MORN1: variants seen among roughly 807,000 people sequenced by gnomAD.
The protein encoded by MORN1 is MORN repeat-containing protein 1.
MORN1 carries 67 observed loss-of-function variants against 61.9 expected under a neutral mutation model. The observed-to-expected ratio is 1.08, with a 90% confidence interval of 0.89 to 1.33. The LOEUF (loss-of-function observed/expected upper bound fraction) is 1.33. Ranked by LOEUF, MORN1 falls within the 40% of genes most tolerant of loss-of-function variation. The probability of loss-of-function intolerance (pLI) is 0.00; values close to 1 mark genes in which losing one functional copy is unlikely to be tolerated. For synonymous variants in MORN1, 301 were observed against 292.0 expected (o/e 1.03, Z -0.31); for missense variants, 752 against 691.2 (o/e 1.09, Z -0.99).
At chr1:2,341,992 C>T (rs918893445) in intron 10 of MORN1, among the ~76,000 whole-genome samples, 2 of 152,060 alleles carry the variant, frequency 1.3e-5, no homozygotes, top group Non-Finnish European at 2.9e-5. Flanking sequence ...GTGTCTGGGG[C>T]ACTTCCCGAG....
intron 5 of MORN1, 121 bp downstream of exon 5, chr1:2,385,686 G>T (rs191656515): frequency 7.2e-6 from 6 of 832,016 alleles, no homozygotes; most frequent in Non-Finnish European, 1.2e-5. Context: ...TAGACAGCAG[G>T]GGCCGGAACA....
chr1:2,349,909 A>G (rs1184794599), intron 10 of MORN1, among the ~76,000 whole-genome samples: 1 of 152,230 alleles, frequency 6.6e-6, no homozygotes, highest in African/African-American at 2.4e-5. Context: ...GAAGAAAAGA[A>G]AAGCAACCTG....
chr1:2,344,510 C>G (rs2643909), intron 10 of MORN1, among the ~76,000 whole-genome samples: 131,459 of 152,246 alleles, frequency 0.86, 57,003 homozygotes, highest in African/African-American at 0.94. Flanking sequence ...GCCGATGCTG[C>G]TGAGGAGGCC....
At chr1:2,365,026 A>G (rs960926054) in intron 8 of MORN1, among the ~76,000 whole-genome samples, 1 of 152,122 alleles carries the variant, frequency 6.6e-6, no homozygotes, top group African/African-American at 2.4e-5. Context: ...TTGGCTTAGG[A>G]TTGACTTGGT....
At chr1:2,333,714 C>T (rs1009610479) in intron 12 of MORN1, among the ~76,000 whole-genome samples, 5 of 152,342 alleles carry the variant, frequency 3.3e-5, no homozygotes, top group East Asian at 1.9e-4. Flanking sequence ...GCAGCCCCAA[C>T]GGTGCCAGGA....
rs888542639 is a variant in MORN1 at position 2,372,736 on chromosome 1, C to T, written c.635-145G>A. ...CAAGCACATGCGGGGGCCGACCCTC[C>T]GCAAACCACCTTGCAGAGCAGCGAC... On this transcript the variant is annotated intron_variant, in intron 7 of 13. Transcript: ENST00000378531. This position sits in a 1 kb window ranked among gnomAD's most constrained non-coding sequence, Gnocchi z 5.4. The T allele has an allele frequency of 8.3e-6, 5 of 605,976 alleles. No individual in the cohort carries two copies. Among genetic ancestry groups the T allele is most frequent in the African/African-American group, 1.9e-5 (1 of 53,762 alleles). 37.5% of individuals were successfully genotyped at this position (605,976 alleles called of 1,614,324 possible).
chr1:2,360,966 A>G (rs901968218), intron 8 of MORN1, among the ~76,000 whole-genome samples: 9 of 152,226 alleles, frequency 5.9e-5, no homozygotes, highest in Admixed American at 2.6e-4. Context: ...CAAGAGGATT[A>G]AACTGTCTCC....
At position 2,332,063 on chromosome 1, in the gene MORN1, TTG is replaced by T. The variant is rs1557868642; in HGVS notation, c.1250+4404_1250+4405del. The T allele has an allele frequency of 4.6e-3, 698 of 152,524 alleles. 10 individuals are homozygous for T. Among genetic ancestry groups the T allele is most frequent in the African/African-American group, 0.019 (658 of 34,798 alleles). 9.4% of individuals were successfully genotyped at this position (152,524 alleles called of 1,614,324 possible). On this transcript the variant is annotated intron_variant, in intron 12 of 13. Transcript: ENST00000378531. ...CAGGCTGGTGTGTCACTTTTCATCT[TTG>T]TCGATTTTTTTTTCAGTCATTTCTA...
chr1:2,372,325 G>A lies in MORN1; in HGVS notation c.745+156C>T. On this transcript the variant is annotated intron_variant, in intron 8 of 13. Coordinates refer to ENST00000378531, the MANE Select transcript of MORN1 (RefSeq NM_024848.3). This position sits in a 1 kb window ranked among gnomAD's most constrained non-coding sequence, Gnocchi z 5.4. ...GCTGCCCTGACTGGCAGGGAAGCTG[G>A]CACACCTGCGACCTCTCTGCCAGGC... 1 of 606,146 alleles carries A rather than the reference G, an allele frequency of 1.6e-6. No individual in the cohort carries two copies. The highest frequency in any genetic ancestry group is 1.9e-5 in the South Asian group (1 of 52,006). The allele number at this position is 606,146 out of a possible 1,614,324, so 37.5% of individuals were successfully genotyped here. A position where few individuals can be genotyped will look rare whatever the true frequency, so the allele number is the denominator to read the frequency against.
At chr1:2,345,518 G>A (rs929436718) in intron 10 of MORN1, among the ~76,000 whole-genome samples, 1 of 152,222 alleles carries the variant, frequency 6.6e-6, no homozygotes, top group Non-Finnish European at 1.5e-5. Flanking sequence ...CCTGCCAGCC[G>A]GACCCTCAGG....
chr1:2,325,215 CT>C (rs1343046751), intron 12 of MORN1, among the ~76,000 whole-genome samples: 2 of 78,230 alleles, frequency 2.6e-5, no homozygotes, highest in Admixed American at 3.1e-4. Flanking sequence ...TTTCTTTCTT[CT>C]TTTCTTTCTC....
At chr1:2,349,708 G>C (rs908815358) in intron 10 of MORN1, among the ~76,000 whole-genome samples, 2 of 152,150 alleles carry the variant, frequency 1.3e-5, no homozygotes, top group African/African-American at 4.8e-5. Flanking sequence ...TGCACATTCA[G>C]ACACTTTTAC....
intron 6 of MORN1, chr1:2,376,559 G>A (rs1331001958): frequency 2.0e-5 from 3 of 152,342 alleles, no homozygotes; most frequent in Admixed American, 6.6e-5. Context: ...AGACACACTC[G>A]AGTCATGAGA....
chr1:2,388,070 T>A (rs2100378163), intron 3 of MORN1, 169 bp downstream of exon 3: 1 of 577,842 alleles, frequency 1.7e-6, no homozygotes, highest in South Asian at 2.2e-5. Flanking sequence ...CTCTCAGCGG[T>A]GACCACAGAG....
At position 2,321,321 on chromosome 1, in the gene MORN1, C is replaced by T. The variant is rs934571378; in HGVS notation, c.*62G>A. The T allele has an allele frequency of 2.0e-5, 25 of 1,242,278 alleles. No homozygotes were observed. The highest frequency in any genetic ancestry group is 2.4e-5 in the Non-Finnish European group (22 of 920,766). 77.0% of individuals were successfully genotyped at this position (1,242,278 alleles called of 1,614,324 possible). On this transcript the variant is annotated 3_prime_UTR_variant, in exon 14 of 14. Transcript: ENST00000378531. ...TCTGGAGAATCGGGGAGCAGAGTCA[C>T]GCAAGCAGAGGCAGCGTTTCCTTCC...
chr1:2,329,248 A>G (rs1439311483), intron 12 of MORN1, among the ~76,000 whole-genome samples: 1 of 152,162 alleles, frequency 6.6e-6, no homozygotes, highest in Non-Finnish European at 1.5e-5. Flanking sequence ...GCACGTCTGC[A>G]GGCCCAGCTG....
intron 8 of MORN1, among the ~76,000 whole-genome samples, chr1:2,362,066 T>C (rs1304506388): frequency 1.3e-5 from 2 of 152,100 alleles, no homozygotes; most frequent in African/African-American, 2.4e-5. Context: ...ACCCCGTCTC[T>C]ACTAAAAATA....
At chr1:2,332,746 T>G (rs1049611378) in intron 12 of MORN1, 10 of 456,298 alleles carry the variant, frequency 2.2e-5, no homozygotes, top group Non-Finnish European at 4.4e-5. Context: ...TTAGCTCCTG[T>G]TGGGATCCTG....
Position 2,337,102 on chromosome 1 carries a change from C to T in MORN1, c.1037-252G>A, listed in dbSNP as rs975559686. On this transcript the variant is annotated intron_variant, in intron 10 of 13. Coordinates refer to ENST00000378531, the MANE Select transcript of MORN1 (RefSeq NM_024848.3). The surrounding 1 kb of genome is among the most constrained non-coding windows in gnomAD (Gnocchi z 5.7). ...ACGCCCCCGCCCCCTTCTGAGTCCA[C>T]CCCAGCGCCAGGGAGCCCAGCGCTT... Among the ~76,000 whole-genome samples, 25 of 152,158 alleles carry T rather than the reference C, an allele frequency of 1.6e-4. No individual in the cohort carries two copies. The highest frequency in any genetic ancestry group is 1.6e-3 in the Admixed American group (24 of 15,292).
Sources: gnomAD v4.1 joint callset for allele counts (sites outside exome capture counted in the v4.1 genomes callset) on GRCh38, gnomAD v4.1.1 for gene constraint, Gnocchi (gnomAD v3.1) non-coding constraint, MANE v1.5 for transcripts, NCBI Gene and HGNC (gene_info 2026-07-23, HGNC 2026-07-21) for gene names.